The following EXOSC9 variants were observed in gnomAD, a reference collection of about 807,000 sequenced individuals.
EXOSC9 encodes exosome complex component RRP45.
Under a neutral mutation model 56.5 loss-of-function variants are expected in EXOSC9, and 38 were observed. That is an observed-to-expected ratio of 0.67 (90% CI 0.52 to 0.88). The LOEUF is 0.88. Among genes scored for constraint, EXOSC9 ranks in the 40% least tolerant of loss-of-function variants. The pLI is 0.00. For missense variants in EXOSC9, 559 were observed against 530.5 expected (o/e 1.05, Z -0.53); for synonymous variants, 170 against 170.8 (o/e 0.99, Z 0.04).
intron 4 of EXOSC9, 143 bp downstream of exon 4, chr4:121,803,160 C>T: frequency 1.7e-6 from 1 of 604,674 alleles, no homozygotes; most frequent in Non-Finnish European, 2.9e-6. Context: ...GAGTGATACC[C>T]TTAGAACTTT....
At chr4:121,809,598 T>C (rs1727145777) in intron 6 of EXOSC9, among the ~76,000 whole-genome samples, 1 of 152,188 alleles carries the variant, frequency 6.6e-6, no homozygotes, top group Non-Finnish European at 1.5e-5. Context: ...AGTAGAACTT[T>C]GGAGTACAGG....
At chr4:121,803,438 C>G (rs1726928019) in intron 4 of EXOSC9, among the ~76,000 whole-genome samples, 1 of 152,104 alleles carries the variant, frequency 6.6e-6, no homozygotes, top group Admixed American at 6.5e-5. Flanking sequence ...ATAGGTTTAT[C>G]GATTTACACA....
intron 5 of EXOSC9, among the ~76,000 whole-genome samples, chr4:121,805,051 G>A (rs1726979716): frequency 6.6e-6 from 1 of 152,148 alleles, no homozygotes; most frequent in African/African-American, 2.4e-5. Flanking sequence ...TATGTTTAGG[G>A]GCCATATGTG....
chr4:121,805,750 TA>T (rs1461004962), intron 5 of EXOSC9, among the ~76,000 whole-genome samples: 1 of 152,142 alleles, frequency 6.6e-6, no homozygotes, highest in African/African-American at 2.4e-5. Context: ...GTTTTAAGTG[TA>T]GACAGCATTC....
At chr4:121,803,100 A>G in intron 4 of EXOSC9, 83 bp downstream of exon 4, 1 of 952,074 alleles carries the variant, frequency 1.1e-6, no homozygotes, top group Non-Finnish European at 1.7e-6. Flanking sequence ...TATTCTCAGA[A>G]CTTTAGTTAA....
intron 5 of EXOSC9, among the ~76,000 whole-genome samples, chr4:121,806,550 C>T (rs928145319): frequency 6.6e-6 from 1 of 151,934 alleles, no homozygotes; most frequent in African/African-American, 2.4e-5. Context: ...GAGCTTACTA[C>T]GTTCAGAGAC....
chr4:121,801,414 GACCCA>G lies in EXOSC9; in HGVS notation c.-8_-4del. ...GGATTCTGGTGCCTGTGGGGCCGGT[GACCCA>G]ACACCATGAAGGAAACGCCACTCTC... is the stretch of plus-strand genomic sequence containing the variant. On this transcript the variant is annotated 5_prime_UTR_variant, in exon 1 of 12. Transcript: ENST00000243498. 6.2e-7 allele frequency: 1 copy of G among 1,613,646 alleles called. No homozygotes were observed. The highest frequency in any genetic ancestry group is 8.5e-7 in the Non-Finnish European group (1 of 1,179,578).
intron 10 of EXOSC9, 69 bp from the exon 11 acceptor site, chr4:121,816,300 T>C: frequency 1.1e-6 from 1 of 882,906 alleles, no homozygotes; most frequent in Non-Finnish European, 1.7e-6. Context: ...AATAAATTCA[T>C]GTAGAAATAA....
At chr4:121,809,628 G>T (rs932703009) in intron 6 of EXOSC9, among the ~76,000 whole-genome samples, 1 of 152,122 alleles carries the variant, frequency 6.6e-6, no homozygotes, top group East Asian at 1.9e-4. Context: ...CAACTTTAGG[G>T]TTAACCAATT....
Position 121,814,008 on chromosome 4 carries a change from A to G in EXOSC9, c.1117A>G (p.Met373Val), listed in dbSNP as rs763519680. ...AGCTATCATTCTTGATGGTATAAAA[A>G]TGGACACTGGAGTAGAAGTCTCTGA... is the stretch of plus-strand genomic sequence containing the variant. ...DQAIILDGIK[M>V]DTGVEVSDIG... Residue 373 changes from methionine to valine, a missense_variant, in exon 10 of 12, where the codon ATG (methionine) becomes GTG (valine). Transcript: ENST00000243498. The G allele has an allele frequency of 2.5e-6, 4 of 1,613,748 alleles. No individual in the cohort carries two copies. In the African/African-American group the frequency reaches 5.3e-5, roughly 22 times the overall value.
intron 10 of EXOSC9, chr4:121,815,755 A>G: frequency 2.0e-6 from 2 of 993,002 alleles, no homozygotes; most frequent in Admixed American, 6.1e-5. Context: ...AACTGGAACT[A>G]TTTCTGGAGG....
chr4:121,809,159 A>T (rs1455085279), intron 6 of EXOSC9, among the ~76,000 whole-genome samples: 2 of 150,248 alleles, frequency 1.3e-5, no homozygotes, highest in African/African-American at 2.4e-5. Context: ...ATTTAAAAAA[A>T]TTTTTTTTGT....
intron 7 of EXOSC9, 58 bp from the exon 8 acceptor site, chr4:121,811,525 T>G: frequency 1.0e-6 from 1 of 986,436 alleles, no homozygotes; most frequent in Non-Finnish European, 1.5e-6. Flanking sequence ...TTTAGTTTCA[T>G]TAGAGAAAAC....
At chr4:121,804,520 A>C (rs957785342) in intron 4 of EXOSC9, 102 bp from the exon 5 acceptor site, 2 of 754,490 alleles carry the variant, frequency 2.7e-6, no homozygotes, top group East Asian at 5.2e-5. Context: ...TGCGTGTTTT[A>C]ACAGCAAGAA....
chr4:121,805,025 G>A (rs1375617704), intron 5 of EXOSC9, among the ~76,000 whole-genome samples: 2 of 152,206 alleles, frequency 1.3e-5, no homozygotes, highest in Non-Finnish European at 2.9e-5. Context: ...TTGAACATTA[G>A]ATGAAGTGGT....
intron 5 of EXOSC9, among the ~76,000 whole-genome samples, chr4:121,805,780 A>G (rs1286762597): frequency 6.6e-6 from 1 of 151,798 alleles, no homozygotes; most frequent in Admixed American, 6.6e-5. Flanking sequence ...GAAAAATAAC[A>G]GTAGAAGAAA....
intron 8 of EXOSC9, among the ~76,000 whole-genome samples, chr4:121,812,369 G>C (rs1727237210): frequency 1.3e-5 from 2 of 152,018 alleles, no homozygotes; most frequent in African/African-American, 4.8e-5. Context: ...TTTCACACTT[G>C]ATCTTTCCTT....
rs770483789 is a variant in EXOSC9, at chr4:121,816,359, AAAAAC to A, written c.1157-6_1157-2del. The A allele has an allele frequency of 2.0e-6, 3 of 1,472,070 alleles. No homozygotes were observed. Among genetic ancestry groups the A allele is most frequent in the Non-Finnish European group, 2.7e-6 (3 of 1,091,034 alleles). The allele number at this position is 1,472,070 out of a possible 1,614,324, so 91.2% of individuals were successfully genotyped here. ...TTTTTTTTTTTTTTTAAATTAATAA[AAAAAC>A]AAAGATGCTCCCATAATACTCTCAG... On this transcript the variant is annotated splice_region_variant and splice_polypyrimidine_tract_variant and intron_variant, in intron 10 of 11. Transcript: ENST00000243498.
At position 121,804,776 on chromosome 4, in the gene EXOSC9, A is replaced by G; in HGVS notation, c.522+17A>G. On this transcript the variant is annotated intron_variant, in intron 5 of 11. Coordinates refer to ENST00000243498, the MANE Select transcript of EXOSC9 (RefSeq NM_005033.3). ...GTAACACTGGTAAGCTCCTATGTGA[A>G]CCAGGATCCTTGATATGAATGAATG... The G allele has an allele frequency of 6.4e-7, 1 of 1,564,560 alleles. No individual in the cohort carries two copies. The highest frequency in any genetic ancestry group is 1.2e-5 in the South Asian group (1 of 82,606).
Sources: allele counts gnomAD v4.1 joint callset (sites outside exome capture counted in the v4.1 genomes callset), GRCh38; gene constraint gnomAD v4.1.1; transcripts MANE v1.5; gene names NCBI Gene and HGNC (gene_info 2026-07-23, HGNC 2026-07-21).